The following AKT3 variants were observed in gnomAD, a reference collection of about 807,000 sequenced individuals.
The protein encoded by AKT3 is RAC-gamma serine/threonine-protein kinase.
A neutral mutation model predicts 65.3 loss-of-function variants in AKT3; 15 were observed. The observed-to-expected ratio is 0.23, with a 90% CI of 0.15 to 0.35. The LOEUF (loss-of-function observed/expected upper bound fraction) is 0.35, where lower values mean the gene tolerates loss of function less well. AKT3 is among the 10% of genes least tolerant of loss of function. The probability of loss-of-function intolerance (pLI) is 1.00; values close to 1 mark genes in which losing one functional copy is unlikely to be tolerated. For synonymous variants in AKT3, 206 were observed against 183.8 expected, an observed-to-expected ratio of 1.12 and a Z score of -0.98; for missense variants, 243 against 576.5, an observed-to-expected ratio of 0.42 and a Z score of 5.92.
At chr1:243,719,591 C>A (rs1007575916) in intron 2 of AKT3, among the ~76,000 whole-genome samples, 2 of 152,096 alleles carry the variant, frequency 1.3e-5, no homozygotes, top group African/African-American at 4.8e-5. Flanking sequence ...CAACTTAGTG[C>A]TTTACTACAA....
intron 8 of AKT3, among the ~76,000 whole-genome samples, chr1:243,609,386 T>C (rs1393300393): frequency 6.6e-6 from 1 of 150,980 alleles, no homozygotes; most frequent in Non-Finnish European, 1.5e-5. Flanking sequence ...TGTAATTACC[T>C]ACGCATGTTA....
intron 2 of AKT3, among the ~76,000 whole-genome samples, chr1:243,781,427 G>T (rs1288204951): frequency 1.3e-5 from 2 of 151,966 alleles, no homozygotes; most frequent in African/African-American, 4.8e-5. Flanking sequence ...TTAGCCATTT[G>T]TACTTCCCTC....
At chr1:243,814,077 G>A (rs1693361490) in intron 2 of AKT3, among the ~76,000 whole-genome samples, 1 of 152,192 alleles carries the variant, frequency 6.6e-6, no homozygotes, top group Non-Finnish European at 1.5e-5. Flanking sequence ...AAGCAACAGA[G>A]TGAGATCAGG....
intron 3 of AKT3, among the ~76,000 whole-genome samples, chr1:243,669,465 T>C (rs923378781): frequency 1.3e-5 from 2 of 152,182 alleles, no homozygotes; most frequent in African/African-American, 4.8e-5. Context: ...ATTATGGTGA[T>C]ATAAGGTAAT....
At position 243,732,827 on chromosome 1, in the gene AKT3, A is replaced by C. The variant is rs1030955829; in HGVS notation, c.47-37111T>G. 4.6e-5 allele frequency among the ~76,000 whole-genome samples: 7 copies of C among 152,188 alleles called. 1 individual carries two copies. The highest frequency in any genetic ancestry group is 1.0e-4 in the Non-Finnish European group (7 of 68,028). The stretch of plus-strand genomic sequence containing the variant: ...GCCTTTGAGAGGAGAATAGACTGCA[A>C]ATTTATTGAGAGAACACTGTTAATC... On this transcript the variant is annotated intron_variant, in intron 2 of 13. Coordinates refer to ENST00000673466, the MANE Select transcript of AKT3 (RefSeq NM_005465.7).
intron 2 of AKT3, among the ~76,000 whole-genome samples, chr1:243,711,920 TGAAA>T (rs1290981495): frequency 5.3e-5 from 8 of 152,224 alleles, no homozygotes; most frequent in Non-Finnish European, 1.2e-4. Context: ...CAAATGGCTC[TGAAA>T]GAATCAGAAG....
intron 4 of AKT3, among the ~76,000 whole-genome samples, chr1:243,657,999 A>G (rs1681950391): frequency 6.6e-6 from 1 of 152,184 alleles, no homozygotes; most frequent in African/African-American, 2.4e-5. Context: ...AAGAATAAAT[A>G]TAAGACATGA....
intron 2 of AKT3, among the ~76,000 whole-genome samples, chr1:243,798,780 T>C (rs1008176920): frequency 1.3e-5 from 2 of 151,130 alleles, no homozygotes; most frequent in East Asian, 3.9e-4. Context: ...TCATTTCCCA[T>C]TCACTCCTTA....
intron 3 of AKT3, among the ~76,000 whole-genome samples, chr1:243,679,030 T>G (rs1227819630): frequency 1.3e-5 from 2 of 152,140 alleles, no homozygotes; most frequent in African/African-American, 4.8e-5. Context: ...CTCCTCAGCC[T>G]ACTCAACAAG....
At chr1:243,681,799 G>C (rs1466945703) in intron 3 of AKT3, among the ~76,000 whole-genome samples, 1 of 151,940 alleles carries the variant, frequency 6.6e-6, no homozygotes, top group Admixed American at 6.6e-5. Context: ...GTCTCTCTAG[G>C]TCTCAGATTC....
intron 4 of AKT3, among the ~76,000 whole-genome samples, chr1:243,661,871 C>T (rs1166368510): frequency 2.0e-5 from 3 of 149,244 alleles, no homozygotes; most frequent in Non-Finnish European, 3.0e-5. Flanking sequence ...AAAAAACAAA[C>T]AACCCCATCA....
At chr1:243,643,755 T>C (rs1453460553) in intron 5 of AKT3, among the ~76,000 whole-genome samples, 2 of 152,252 alleles carry the variant, frequency 1.3e-5, no homozygotes, top group African/African-American at 4.8e-5. Flanking sequence ...ACCTATTCTT[T>C]TAATCCTATT....
intron 6 of AKT3, among the ~76,000 whole-genome samples, chr1:243,615,769 T>C (rs574693791): frequency 6.6e-6 from 1 of 152,190 alleles, no homozygotes; most frequent in East Asian, 1.9e-4. Context: ...TCTTGCTCTG[T>C]TGCCCAGGAT....
rs1669561407 is a variant in AKT3, at chr1:243,504,808, A to C, written c.*441T>G. 1 of 208,688 alleles carries C rather than the reference A, an allele frequency of 4.8e-6. No homozygotes were observed. The highest frequency in any genetic ancestry group is 2.3e-5 in the African/African-American group (1 of 43,712). 12.9% of individuals were successfully genotyped at this position (208,688 alleles called of 1,614,324 possible). A position where few individuals can be genotyped will look rare whatever the true frequency, so the allele number is the denominator to read the frequency against. ...TTGCTTGTTCTGAATTTATAAACTAAATCTTCTTAGTCTAGTTAGTTTTTC... is the reference window on the plus strand; with the variant it reads ...TTGCTTGTTCTGAATTTATAAACTACATCTTCTTAGTCTAGTTAGTTTTTC... On this transcript the variant is annotated 3_prime_UTR_variant, in exon 14 of 14. Transcript: ENST00000673466.
intron 6 of AKT3, among the ~76,000 whole-genome samples, chr1:243,628,320 C>A (rs1463925328): frequency 6.6e-6 from 1 of 150,996 alleles, no homozygotes; most frequent in Non-Finnish European, 1.5e-5. Context: ...TTTTTTGAGA[C>A]AGGGTCTCAC....
intron 2 of AKT3, among the ~76,000 whole-genome samples, chr1:243,824,221 A>T (rs1406708444): frequency 1.1e-4 from 17 of 152,192 alleles, no homozygotes; most frequent in Admixed American, 1.1e-3. Flanking sequence ...GAAAATTGAA[A>T]CTGGGCCCCT....
intron 2 of AKT3, among the ~76,000 whole-genome samples, chr1:243,813,068 A>G (rs1427731759): frequency 6.6e-6 from 1 of 151,402 alleles, no homozygotes; most frequent in Non-Finnish European, 1.5e-5. Context: ...TAGGAGATAT[A>G]TCTAATGTAA....
At chr1:243,570,429 C>T (rs749753391) in intron 9 of AKT3, among the ~76,000 whole-genome samples, 3 of 152,194 alleles carry the variant, frequency 2.0e-5, no homozygotes, top group Admixed American at 1.3e-4. Flanking sequence ...TTTAGGCTTA[C>T]AAAGATTTCC....
chr1:243,564,837 A>C (rs1466379696), intron 9 of AKT3, among the ~76,000 whole-genome samples: 1 of 152,224 alleles, frequency 6.6e-6, no homozygotes, highest in African/African-American at 2.4e-5. Flanking sequence ...AATGATAGTT[A>C]ACTTTTATTT....
Sources: allele counts gnomAD v4.1 joint callset (sites outside exome capture counted in the v4.1 genomes callset), GRCh38; gene constraint gnomAD v4.1.1; transcripts MANE v1.5; gene names NCBI Gene and HGNC (gene_info 2026-07-23, HGNC 2026-07-21).